Variants in SLC6A6 observed in about 807,000 individuals in gnomAD.
The protein encoded by SLC6A6 is solute carrier family 6 member 6, also known as sodium- and chloride-dependent taurine transporter.
In SLC6A6, 16 loss-of-function variants were observed where a neutral mutation model predicts 68.8. The observed-to-expected ratio is 0.23, with a 90% CI of 0.16 to 0.35. SLC6A6 has a LOEUF of 0.35. Ranked by LOEUF, SLC6A6 falls within the 10% of genes least tolerant of loss-of-function variation. The pLI, the probability that SLC6A6 is intolerant of heterozygous loss-of-function variation, is 1.00. For synonymous variants in SLC6A6, 312 were observed against 315.4 expected (o/e 0.99, Z 0.12); for missense variants, 474 against 802.8 (o/e 0.59, Z 4.95).
chr3:14,437,970 G>A (rs1184229478), intron 2 of SLC6A6, among the ~76,000 whole-genome samples: 1 of 150,398 alleles, frequency 6.6e-6, no homozygotes, highest in Non-Finnish European at 1.5e-5. Context: ...TGGGATTACA[G>A]GAGTGCATCA....
At chr3:14,444,816 CCA>C in intron 3 of SLC6A6, 2 of 456,620 alleles carry the variant, frequency 4.4e-6, no homozygotes, top group South Asian at 1.5e-5. Context: ...CCCAAGTTGC[CCA>C]CAGTTTCAAA....
intron 1 of SLC6A6, among the ~76,000 whole-genome samples, chr3:14,403,786 A>G (rs1169383449): frequency 1.3e-5 from 2 of 152,314 alleles, no homozygotes; most frequent in African/African-American, 4.8e-5. Context: ...TAGGGAAGCC[A>G]CACAGAGAGA....
intron 3 of SLC6A6, among the ~76,000 whole-genome samples, chr3:14,445,443 AAAG>A (rs1474191086): frequency 2.2e-4 from 9 of 40,222 alleles, no homozygotes; most frequent in East Asian, 1.9e-3. Flanking sequence ...AAAAAGAAAA[AAAG>A]AAAGAAAGAA....
intron 2 of SLC6A6, among the ~76,000 whole-genome samples, chr3:14,442,606 C>T (rs554050779): frequency 2.9e-4 from 44 of 152,268 alleles, no homozygotes; most frequent in Non-Finnish European, 4.7e-4. Flanking sequence ...CCCTCAGGGT[C>T]GAGCTGACAG....
chr3:14,464,194 C>T (rs920216789), intron 6 of SLC6A6, among the ~76,000 whole-genome samples: 4 of 152,214 alleles, frequency 2.6e-5, no homozygotes, highest in Admixed American at 2.6e-4. Context: ...AGCCTCTAAG[C>T]TTGGCTTCAG....
At chr3:14,456,359 A>G (rs999503257) in intron 5 of SLC6A6, among the ~76,000 whole-genome samples, 3 of 152,184 alleles carry the variant, frequency 2.0e-5, no homozygotes, top group Non-Finnish European at 2.9e-5. Flanking sequence ...TCGGTCCTAC[A>G]GTGACATGTG....
chr3:14,422,306 A>T (rs1175343931), intron 2 of SLC6A6, among the ~76,000 whole-genome samples: 1 of 152,068 alleles, frequency 6.6e-6, no homozygotes, highest in Non-Finnish European at 1.5e-5. Context: ...TCATGTCTCC[A>T]CACACTTGCT....
intron 3 of SLC6A6, chr3:14,444,458 T>A (rs1700065504): frequency 4.2e-6 from 1 of 235,510 alleles, no homozygotes; most frequent in Non-Finnish European, 8.6e-6. Flanking sequence ...TGCTTTTGTT[T>A]TTGTGTTTTT....
intron 2 of SLC6A6, among the ~76,000 whole-genome samples, chr3:14,423,698 C>T (rs1050625916): frequency 6.6e-6 from 1 of 152,094 alleles, no homozygotes; most frequent in Non-Finnish European, 1.5e-5. Context: ...CCTCAGTTGC[C>T]CCATCTGTAA....
intron 1 of SLC6A6, among the ~76,000 whole-genome samples, chr3:14,405,998 G>T (rs920074404): frequency 6.6e-6 from 1 of 152,018 alleles, no homozygotes; most frequent in African/African-American, 2.4e-5. Context: ...AGGACACAGT[G>T]TCGGAGTTGC....
At chr3:14,405,386 A>G (rs951222764) in intron 1 of SLC6A6, among the ~76,000 whole-genome samples, 1 of 152,228 alleles carries the variant, frequency 6.6e-6, no homozygotes, top group East Asian at 1.9e-4. Flanking sequence ...TGGGAGGTGT[A>G]CTTCTCTGAA....
chr3:14,444,822 T>A, intron 3 of SLC6A6: 1 of 456,500 alleles, frequency 2.2e-6, no homozygotes, highest in Non-Finnish European at 4.4e-6. Context: ...TTGCCCACAG[T>A]TTCAAAGGGT....
intron 5 of SLC6A6, among the ~76,000 whole-genome samples, chr3:14,453,097 C>T (rs1280429879): frequency 6.6e-6 from 1 of 152,230 alleles, no homozygotes; most frequent in Non-Finnish European, 1.5e-5. Flanking sequence ...GCGGACGGGC[C>T]CTTTTATAAT....
At chr3:14,404,609 T>C (rs1367090498) in intron 1 of SLC6A6, among the ~76,000 whole-genome samples, 2 of 152,250 alleles carry the variant, frequency 1.3e-5, no homozygotes, top group Non-Finnish European at 2.9e-5. Context: ...TGCTTTGTTT[T>C]AATGGGTGGG....
At chr3:14,419,854 C>T (rs1172621468) in intron 2 of SLC6A6, among the ~76,000 whole-genome samples, 1 of 152,084 alleles carries the variant, frequency 6.6e-6, no homozygotes, top group African/African-American at 2.4e-5. Flanking sequence ...ATCAGATTCA[C>T]CCTCCCGGTG....
intron 1 of SLC6A6, among the ~76,000 whole-genome samples, chr3:14,403,118 GT>G (rs1699026136): frequency 8.7e-6 from 1 of 115,126 alleles, no homozygotes. Flanking sequence ...GTGTGTGTGT[GT>G]GTGTGGCATA....
At chr3:14,409,043 G>A (rs1221796406) in intron 1 of SLC6A6, among the ~76,000 whole-genome samples, 2 of 152,060 alleles carry the variant, frequency 1.3e-5, no homozygotes, top group East Asian at 3.9e-4. Flanking sequence ...CTCCTGACCT[G>A]GTGATCTGCC....
chr3:14,443,924 G>A, intron 3 of SLC6A6, 61 bp downstream of exon 3: 1 of 1,228,558 alleles, frequency 8.1e-7, no homozygotes, highest in Admixed American at 1.7e-5. Flanking sequence ...AGAGCTGGAG[G>A]CTGGGACCAG....
chr3:14,402,887 G>A lies in SLC6A6; in HGVS notation c.-54+40G>A. The A allele has an allele frequency of 5.1e-6, 2 of 390,986 alleles. No individual in the cohort carries two copies. Among genetic ancestry groups the A allele is most frequent in the East Asian group, 3.6e-5 (1 of 27,412 alleles). 24.2% of individuals were successfully genotyped at this position (390,986 alleles called of 1,614,324 possible). The stretch of plus-strand genomic sequence containing the variant: ...GGGAGCTGGGCGCGCAGCCGGCGCT[G>A]CCCGCCGTCTGCAGCCCCTCCCCAT... On this transcript the variant is annotated intron_variant, in intron 1 of 14. Transcript: ENST00000622186. The surrounding 1 kb of genome is among the most constrained non-coding windows in gnomAD (Gnocchi z 4.8).
Sources: allele counts gnomAD v4.1 joint callset (sites outside exome capture counted in the v4.1 genomes callset), GRCh38; gene constraint gnomAD v4.1.1; non-coding constraint Gnocchi (gnomAD v3.1); transcripts MANE v1.5; gene names NCBI Gene and HGNC (gene_info 2026-07-23, HGNC 2026-07-21).